The following EPHB1 variants were observed in gnomAD, a reference collection of about 807,000 sequenced individuals.
The protein encoded by EPHB1 is ephrin type-B receptor 1.
In EPHB1, 30 loss-of-function variants were observed where a neutral mutation model predicts 94.4. That is an observed-to-expected ratio of 0.32 (90% confidence interval 0.24 to 0.43). EPHB1 has a LOEUF of 0.43. EPHB1 is among the 20% of genes least tolerant of loss of function. The pLI, the probability that EPHB1 is intolerant of heterozygous loss-of-function variation, is 1.00. For synonymous variants in EPHB1, 522 were observed against 489.1 expected (o/e 1.07, Z -0.89); for missense variants, 1,055 against 1,308.3 (o/e 0.81, Z 2.99).
rs532286478 is a variant in EPHB1 at position 135,157,338 on chromosome 3, C to T, written c.1422+3062C>T. Reference sequence around the variant, plus strand: ...GGCCGAGCACTGAAGCCACGAGGCTCATGCCTGTATACCTTGGCTCCTTCC... The same window carrying T: ...GGCCGAGCACTGAAGCCACGAGGCTTATGCCTGTATACCTTGGCTCCTTCC... On this transcript the variant is annotated intron_variant, in intron 6 of 15. Coordinates refer to ENST00000398015, the MANE Select transcript of EPHB1 (RefSeq NM_004441.5). 9.8e-5 allele frequency among the ~76,000 whole-genome samples: 15 copies of T among 152,360 alleles called. No homozygotes were observed. The South Asian group carries it at 1.7e-3, about 17-fold the overall frequency.
chr3:134,882,197 A>G (rs1303172084), intron 1 of EPHB1, among the ~76,000 whole-genome samples: 1 of 152,242 alleles, frequency 6.6e-6, no homozygotes, highest in Non-Finnish European at 1.5e-5. Context: ...GCCTCATCCT[A>G]TCAGGAAGAA....
At chr3:135,103,503 T>C (rs1262936468) in intron 3 of EPHB1, among the ~76,000 whole-genome samples, 1 of 152,254 alleles carries the variant, frequency 6.6e-6, no homozygotes, top group Non-Finnish European at 1.5e-5. Context: ...GTTAGCATTA[T>C]TTAGCACACA....
At chr3:134,882,801 T>TCTTTCTTTCTTTCTTTCTTTCTTTCTTTC (rs2037779420) in intron 1 of EPHB1, among the ~76,000 whole-genome samples, 1 of 79,780 alleles carries the variant, frequency 1.3e-5, no homozygotes, top group Admixed American at 1.3e-4. Context: ...TTTCTTTCTT[T>TCTTTCTTTCTTTCTTTCTTTCTTTCTTTC]CTTTCTTTCT....
intron 4 of EPHB1, among the ~76,000 whole-genome samples, chr3:135,119,711 C>G (rs1262089212): frequency 6.6e-6 from 1 of 152,178 alleles, no homozygotes; most frequent in Non-Finnish European, 1.5e-5. Context: ...CTTGGCCTCC[C>G]AAAGTGCTGT....
intron 1 of EPHB1, among the ~76,000 whole-genome samples, chr3:134,893,913 C>A (rs981229697): frequency 3.3e-5 from 5 of 152,236 alleles, no homozygotes; most frequent in African/African-American, 1.2e-4. Flanking sequence ...TGTGGCCAAA[C>A]TGTGGACCCA....
chr3:134,912,059 C>T (rs1040484236), intron 1 of EPHB1, among the ~76,000 whole-genome samples: 6 of 152,198 alleles, frequency 3.9e-5, no homozygotes, highest in Non-Finnish European at 8.8e-5. Context: ...GATTAACGAG[C>T]CTGGGCCACC....
At chr3:135,017,773 C>T (rs1037277362) in intron 3 of EPHB1, among the ~76,000 whole-genome samples, 16 of 152,166 alleles carry the variant, frequency 1.1e-4, no homozygotes, top group African/African-American at 3.9e-4. Context: ...TCCTTTGTCT[C>T]ATTACTTAGA....
At chr3:134,988,320 A>G (rs763042099) in intron 3 of EPHB1, among the ~76,000 whole-genome samples, 5 of 152,252 alleles carry the variant, frequency 3.3e-5, no homozygotes, top group Non-Finnish European at 7.3e-5. Flanking sequence ...AGAAATGTGA[A>G]TGGAATCTGC....
chr3:134,818,104 A>T (rs2036304061), intron 1 of EPHB1, among the ~76,000 whole-genome samples: 1 of 152,218 alleles, frequency 6.6e-6, no homozygotes, highest in Admixed American at 6.5e-5. Context: ...GAGGGAAGGC[A>T]TGTCCAGGTA....
chr3:135,257,748 G>A lies in EPHB1; in HGVS notation c.2847-1264G>A, dbSNP rs943090189. Among the ~76,000 whole-genome samples, 6 of 150,124 alleles carry A rather than the reference G, an allele frequency of 4.0e-5. No homozygotes were observed. The South Asian group carries it at 8.7e-4, about 22-fold the overall frequency. On this transcript the variant is annotated intron_variant, in intron 15 of 15. Transcript: ENST00000398015. ...CCTTGAGCTGGGCTCCACCCAGTTCGAGCTTCCCGGCTGCTTTGTTTACCT... is the reference window on the plus strand; with the variant it reads ...CCTTGAGCTGGGCTCCACCCAGTTCAAGCTTCCCGGCTGCTTTGTTTACCT...
rs78709534 is a variant in EPHB1, at chr3:134,881,971, A to G, written c.59-43845A>G. 2.8e-4 allele frequency among the ~76,000 whole-genome samples: 42 copies of G among 152,328 alleles called. 1 individual carries two copies. The East Asian group carries it at 7.5e-3, about 27-fold the overall frequency. ...ATTGCAAAAAACAAACAAAAAATTC[A>G]TGGAATGAAATGATAATGGGAGCTG... is the stretch of plus-strand genomic sequence containing the variant. On this transcript the variant is annotated intron_variant, in intron 1 of 15. Transcript: ENST00000398015.
intron 3 of EPHB1, among the ~76,000 whole-genome samples, chr3:134,974,113 C>A (rs1209379383): frequency 6.6e-6 from 1 of 152,160 alleles, no homozygotes; most frequent in African/African-American, 2.4e-5. Flanking sequence ...TTTATCCAGT[C>A]ACAGTGGTCT....
intron 12 of EPHB1, among the ~76,000 whole-genome samples, chr3:135,212,305 A>T (rs1943050080): frequency 6.6e-6 from 1 of 152,188 alleles, no homozygotes; most frequent in African/African-American, 2.4e-5. Flanking sequence ...TCCTGGGATT[A>T]GCATCTTATT....
At chr3:135,219,060 C>T (rs537201815) in intron 12 of EPHB1, among the ~76,000 whole-genome samples, 1 of 152,182 alleles carries the variant, frequency 6.6e-6, no homozygotes, top group South Asian at 2.1e-4. Flanking sequence ...GGAAGAGTTG[C>T]CCTCCCACAG....
At chr3:134,977,641 C>A (rs1934239385) in intron 3 of EPHB1, among the ~76,000 whole-genome samples, 1 of 152,122 alleles carries the variant, frequency 6.6e-6, no homozygotes, top group Admixed American at 6.5e-5. Context: ...CTTTGGTTTT[C>A]CATCTGTGTG....
chr3:135,112,913 C>T (rs974585730), intron 4 of EPHB1, among the ~76,000 whole-genome samples: 4 of 152,158 alleles, frequency 2.6e-5, no homozygotes, highest in Non-Finnish European at 4.4e-5. Context: ...TAAAAGAAGG[C>T]TGCTTTGCTC....
At chr3:135,034,179 G>A (rs984375062) in intron 3 of EPHB1, among the ~76,000 whole-genome samples, 1 of 152,132 alleles carries the variant, frequency 6.6e-6, no homozygotes, top group Admixed American at 6.5e-5. Context: ...GGCATTTGGG[G>A]ACTTTAAATG....
rs539189710 is a variant in EPHB1, at chr3:135,019,168, G to T, written c.805+67116G>T. On this transcript the variant is annotated intron_variant, in intron 3 of 15. Coordinates refer to ENST00000398015, the MANE Select transcript of EPHB1 (RefSeq NM_004441.5). ...CGAGCCTTTAGCACCAGCACAGGAG[G>T]TGGCTGCCCCCACAGCAGTAGGCTT... Among the ~76,000 whole-genome samples, 5 of 152,266 alleles carry T rather than the reference G, an allele frequency of 3.3e-5. No homozygotes were observed. The South Asian group carries it at 1.0e-3, about 32-fold the overall frequency.
At chr3:134,952,653 T>C (rs1933082922) in intron 3 of EPHB1, among the ~76,000 whole-genome samples, 1 of 152,196 alleles carries the variant, frequency 6.6e-6, no homozygotes, top group Non-Finnish European at 1.5e-5. Flanking sequence ...GATGAAACTA[T>C]TGGAATGGGA....
Sources: allele counts gnomAD v4.1 joint callset (sites outside exome capture counted in the v4.1 genomes callset), GRCh38; gene constraint gnomAD v4.1.1; transcripts MANE v1.5; gene names NCBI Gene and HGNC (gene_info 2026-07-23, HGNC 2026-07-21).